Variants in KHDRBS1 observed in about 807,000 individuals in gnomAD.
KHDRBS1 encodes KH RNA binding domain containing, signal transduction associated 1.
Under a neutral mutation model 48.4 loss-of-function variants are expected in KHDRBS1, and 7 were observed. The observed-to-expected ratio is 0.14, with a 90% CI of 0.08 to 0.27. The LOEUF is 0.27. KHDRBS1 is among the 10% of genes least tolerant of loss of function. KHDRBS1 has a pLI of 1.00. For missense variants in KHDRBS1, 458 were observed against 601.2 expected, an observed-to-expected ratio of 0.76 and a Z score of 2.49; for synonymous variants, 241 against 235.8, an observed-to-expected ratio of 1.02 and a Z score of -0.20.
rs1639307338 is a variant in KHDRBS1, at chr1:32,042,924, A to G, written c.*300A>G. 1 of 181,324 alleles carries G rather than the reference A, an allele frequency of 5.5e-6. No homozygotes were observed. The highest frequency in any genetic ancestry group is 6.1e-5 in the Admixed American group (1 of 16,378). 11.2% of individuals were successfully genotyped at this position (181,324 alleles called of 1,614,324 possible). A position where few individuals can be genotyped will look rare whatever the true frequency, so the allele number is the denominator to read the frequency against. ...GAAGTGTACCTTTTATAATAAAAAA[A>G]AGAAGTTGAGTAAAAAAAAAAAACA... On this transcript the variant is annotated 3_prime_UTR_variant, in exon 9 of 9. Transcript: ENST00000327300.
chr1:32,037,376 G>C (rs972041090), intron 5 of KHDRBS1, among the ~76,000 whole-genome samples: 2 of 151,592 alleles, frequency 1.3e-5, no homozygotes, highest in Non-Finnish European at 2.9e-5. Flanking sequence ...CCCAGGAGAC[G>C]GAAGTTGCAG....
At position 32,042,899 on chromosome 1, in the gene KHDRBS1, G is replaced by T; in HGVS notation, c.*275G>T. 1 of 212,264 alleles carries T rather than the reference G, an allele frequency of 4.7e-6. No individual in the cohort carries two copies. 13.1% of individuals were successfully genotyped at this position (212,264 alleles called of 1,614,324 possible). ...TTTCTTTGTTGTTTAAATATAAACA[G>T]AAGTGTACCTTTTATAATAAAAAAA... On this transcript the variant is annotated 3_prime_UTR_variant, in exon 9 of 9. Coordinates refer to ENST00000327300, the MANE Select transcript of KHDRBS1 (RefSeq NM_006559.3).
At chr1:32,050,336 G>C (rs563364268) in intron 10 of KHDRBS1, among the ~76,000 whole-genome samples, 2 of 152,268 alleles carry the variant, frequency 1.3e-5, no homozygotes, top group African/African-American at 4.8e-5. Context: ...CTCCCATTCA[G>C]TGGGTTGTCC....
At chr1:32,038,064 C>T in intron 6 of KHDRBS1, 28 bp downstream of exon 6, 1 of 1,612,448 alleles carries the variant, frequency 6.2e-7, no homozygotes, top group Non-Finnish European at 8.5e-7. Context: ...TGTGCCATTT[C>T]CCAGTACCTA....
chr1:32,021,824 T>C (rs1638863538), intron 1 of KHDRBS1, among the ~76,000 whole-genome samples: 1 of 151,990 alleles, frequency 6.6e-6, no homozygotes, highest in Non-Finnish European at 1.5e-5. Flanking sequence ...CTAAGTTTTG[T>C]ATTTTTAGTA....
At chr1:32,033,117 T>G in intron 3 of KHDRBS1, 71 bp from the exon 4 acceptor site, 1 of 1,238,332 alleles carries the variant, frequency 8.1e-7, no homozygotes, top group African/African-American at 1.5e-5. Flanking sequence ...TTGCTGTTCC[T>G]TTGGCTTAGA....
In KHDRBS1 at chr1:32,013,903, A is replaced by ACCGCTCCCGCTCTG; in HGVS notation, c.-90_-77dup. 1.6e-6 allele frequency: 2 copies of ACCGCTCCCGCTCTG among 1,225,946 alleles called. No homozygotes were observed. Among genetic ancestry groups the ACCGCTCCCGCTCTG allele is most frequent in the Non-Finnish European group, 2.1e-6 (2 of 955,618 alleles). The allele number at this position is 1,225,946 out of a possible 1,614,324, so 75.9% of individuals were successfully genotyped here. A position where few individuals can be genotyped will look rare whatever the true frequency, so the allele number is the denominator to read the frequency against. On this transcript the variant is annotated 5_prime_UTR_variant, in exon 1 of 9. Transcript: ENST00000327300. ...GTCGCTCGGGTCGGCTTCGGTCGCT[A>ACCGCTCCCGCTCTG]CCGCTCCCGCTCTGCCACCCCCGCC... is the stretch of plus-strand genomic sequence containing the variant.
At position 32,033,061 on chromosome 1, in the gene KHDRBS1, C is replaced by T. The variant is rs962668197; in HGVS notation, c.625-127C>T. On this transcript the variant is annotated intron_variant, in intron 3 of 8. Transcript: ENST00000327300. ...TTTTTTTGTTTAATTCTTCTCAGCT[C>T]ATACCAATTAACTTTACTGTTTTTC... 22 of 667,636 alleles carry T rather than the reference C, an allele frequency of 3.3e-5. 1 individual carries two copies. The African/African-American group carries it at 3.8e-4, about 12-fold the overall frequency. 41.4% of individuals were successfully genotyped at this position (667,636 alleles called of 1,614,324 possible). A position where few individuals can be genotyped will look rare whatever the true frequency, so the allele number is the denominator to read the frequency against.
At chr1:32,039,339 T>C (rs114318187) in intron 7 of KHDRBS1, among the ~76,000 whole-genome samples, 176 bp from the exon 8 acceptor site, 2 of 152,370 alleles carry the variant, frequency 1.3e-5, no homozygotes, top group African/African-American at 4.8e-5. Context: ...TCAATTATTT[T>C]ATAAGTACAT....
At chr1:32,048,662 A>T (rs1380625156), downstream of KHDRBS1, among the ~76,000 whole-genome samples, 1 of 152,190 alleles carries the variant, frequency 6.6e-6, no homozygotes, top group Non-Finnish European at 1.5e-5. Flanking sequence ...CTAGTGGCAA[A>T]GAAGTCTAGA....
At chr1:32,054,679 T>C (rs186037180) in intron 10 of KHDRBS1, among the ~76,000 whole-genome samples, 39 of 152,324 alleles carry the variant, frequency 2.6e-4, no homozygotes, top group East Asian at 9.6e-4. Context: ...GAGAGTATCA[T>C]ATACAGCAAG....
chr1:32,036,163 A>ATTT (rs397742842), intron 4 of KHDRBS1, among the ~76,000 whole-genome samples: 1,263 of 60,484 alleles, frequency 0.021, 145 homozygotes, highest in African/African-American at 0.087. Flanking sequence ...CATTTTGAAG[A>ATTT]TTTTTTTTTT....
At chr1:32,033,149 C>G in intron 3 of KHDRBS1, 39 bp from the exon 4 acceptor site, 3 of 1,583,066 alleles carry the variant, frequency 1.9e-6, no homozygotes, top group Non-Finnish European at 1.7e-6. Flanking sequence ...TGTTTTCTCC[C>G]TAGTCCATGG....
rs761806857 is a variant in KHDRBS1 at position 32,037,831 on chromosome 1, G to A, written c.906-4G>A. Reference sequence around the variant, plus strand: ...TCCATTTAAGATAAACTTTCATTTTGTAGGGGCCGTGGTGTTGGACCACCT... The same window carrying A: ...TCCATTTAAGATAAACTTTCATTTTATAGGGGCCGTGGTGTTGGACCACCT... On this transcript the variant is annotated splice_region_variant and splice_polypyrimidine_tract_variant and intron_variant, in intron 5 of 8. Transcript: ENST00000327300. 3.1e-6 allele frequency: 5 copies of A among 1,610,174 alleles called. No individual in the cohort carries two copies. In the African/African-American group the frequency reaches 6.7e-5, roughly 22 times the overall value.
intron 5 of KHDRBS1, 123 bp downstream of exon 5, chr1:32,037,166 A>G (rs1557896356): frequency 1.9e-6 from 2 of 1,073,412 alleles, no homozygotes; most frequent in Non-Finnish European, 2.6e-6. Context: ...CATAAAGAAC[A>G]GAATTCTACA....
chr1:32,019,411 G>A (rs779390941), intron 1 of KHDRBS1, among the ~76,000 whole-genome samples: 5 of 151,978 alleles, frequency 3.3e-5, no homozygotes, highest in African/African-American at 9.7e-5. Context: ...TTAGTTGGGC[G>A]TGGTGGCAGG....
At chr1:32,020,437 G>C (rs558269488) in intron 1 of KHDRBS1, among the ~76,000 whole-genome samples, 2 of 151,216 alleles carry the variant, frequency 1.3e-5, no homozygotes, top group South Asian at 4.2e-4. Context: ...AAAAAAACGT[G>C]CTTACCGTAT....
chr1:32,053,639 A>G (rs1346325768), intron 10 of KHDRBS1, among the ~76,000 whole-genome samples: 1 of 152,186 alleles, frequency 6.6e-6, no homozygotes, highest in Non-Finnish European at 1.5e-5. Flanking sequence ...CCAGAGTGGT[A>G]AGGATTACAG....
intron 5 of KHDRBS1, among the ~76,000 whole-genome samples, chr1:32,037,254 C>G (rs1639201185): frequency 6.6e-6 from 1 of 152,102 alleles, no homozygotes; most frequent in African/African-American, 2.4e-5. Context: ...GAGTTTGAGA[C>G]CAGCCTGGCC....
Sources: gnomAD v4.1 joint callset for allele counts (sites outside exome capture counted in the v4.1 genomes callset) on GRCh38, gnomAD v4.1.1 for gene constraint, MANE v1.5 for transcripts, NCBI Gene and HGNC (gene_info 2026-07-23, HGNC 2026-07-21) for gene names.